The following ARHGAP1 variants were observed in gnomAD, a reference collection of about 807,000 sequenced individuals.
ARHGAP1 encodes rho GTPase-activating protein 1.
A neutral mutation model predicts 52.2 loss-of-function variants in ARHGAP1; 23 were observed. The ratio of observed to expected loss-of-function variants is 0.44; its 90% CI spans 0.32 to 0.62. The LOEUF is 0.62. Among genes scored for constraint, ARHGAP1 ranks in the 20% least tolerant of loss-of-function variants. The pLI, the probability that ARHGAP1 is intolerant of heterozygous loss-of-function variation, is 0.05. For synonymous variants in ARHGAP1, 210 were observed against 228.4 expected, an observed-to-expected ratio of 0.92 and a Z score of 0.73; for missense variants, 480 against 560.9, an observed-to-expected ratio of 0.86 and a Z score of 1.46.
rs1278949082 is a variant in ARHGAP1 at position 46,679,235 on chromosome 11, G to A, written c.1132-10C>T. The A allele has an allele frequency of 1.3e-6, 2 of 1,594,658 alleles. No homozygotes were observed. Among genetic ancestry groups the A allele is most frequent in the Non-Finnish European group, 1.7e-6 (2 of 1,168,402 alleles). On this transcript the variant is annotated splice_polypyrimidine_tract_variant and intron_variant, in intron 12 of 12. Coordinates refer to ENST00000311956, the MANE Select transcript of ARHGAP1 (RefSeq NM_004308.5). This position sits in a 1 kb window ranked among gnomAD's most constrained non-coding sequence, Gnocchi z 4.4. ...CACTGTGTGCAGAAATCTGTGGAGG[G>A]AATCAGGGACTGCAGCAGGAAGCCA...
rs1278929949 is a variant in ARHGAP1, at chr11:46,696,695, C to T, written c.-49-539G>A. ...ACTAGCCTGGCCAGCATGGTGAAAC[C>T]CCATCTCTACTAAAAATACAAAAAC... On this transcript the variant is annotated intron_variant, in intron 1 of 12. Coordinates refer to ENST00000311956, the MANE Select transcript of ARHGAP1 (RefSeq NM_004308.5). This position sits in a 1 kb window ranked among gnomAD's most constrained non-coding sequence, Gnocchi z 4.8. Among the ~76,000 whole-genome samples, 1 of 152,124 alleles carries T rather than the reference C, an allele frequency of 6.6e-6. No individual in the cohort carries two copies. The highest frequency in any genetic ancestry group is 1.5e-5 in the Non-Finnish European group (1 of 68,038).
intron 3 of ARHGAP1, among the ~76,000 whole-genome samples, chr11:46,692,759 C>G (rs2064623278): frequency 6.6e-6 from 1 of 152,150 alleles, no homozygotes; most frequent in African/African-American, 2.4e-5. Context: ...GTGATCTCAG[C>G]TCACTGCAAC....
At position 46,679,814 on chromosome 11, in the gene ARHGAP1, C is replaced by T; in HGVS notation, c.899-38G>A. The T allele has an allele frequency of 6.2e-7, 1 of 1,611,010 alleles. No homozygotes were observed. Among genetic ancestry groups the T allele is most frequent in the Non-Finnish European group, 8.5e-7 (1 of 1,179,576 alleles). On this transcript the variant is annotated intron_variant, in intron 10 of 12. Coordinates refer to ENST00000311956, the MANE Select transcript of ARHGAP1 (RefSeq NM_004308.5). This position sits in a 1 kb window ranked among gnomAD's most constrained non-coding sequence, Gnocchi z 4.4. Reference sequence around the variant, plus strand: ...CAGCGTGAGAGAAGCTCGGCACAGCCTGAAGGGCAGCACCCATCTGCAGAC... The same window carrying T: ...CAGCGTGAGAGAAGCTCGGCACAGCTTGAAGGGCAGCACCCATCTGCAGAC...
At chr11:46,687,165 C>T (rs2064576755) in intron 4 of ARHGAP1, 2 of 152,362 alleles carry the variant, frequency 1.3e-5, no homozygotes, top group Non-Finnish European at 2.9e-5. Context: ...CAGCCCCAGG[C>T]CAAGCTCTTG....
At position 46,679,413 on chromosome 11, in the gene ARHGAP1, G is replaced by A. The variant is rs773769674; in HGVS notation, c.1083C>T (p.Pro361=). 2.5e-5 allele frequency: 40 copies of A among 1,614,140 alleles called. No homozygotes were observed. Among genetic ancestry groups the A allele is most frequent in the South Asian group, 3.3e-5 (3 of 91,068 alleles). The change falls in exon 12 of 13, where the codon CCC becomes CCT. Residue 361 remains proline, a synonymous_variant. Coordinates refer to ENST00000311956, the MANE Select transcript of ARHGAP1 (RefSeq NM_004308.5). This position sits in a 1 kb window ranked among gnomAD's most constrained non-coding sequence, Gnocchi z 4.4. ...PATLQVLQTL[P]EENYQVLRFL... The stretch of plus-strand genomic sequence containing the variant: ...AACGAAGCACCTGGTAGTTCTCCTC[G>A]GGCAGCGTCTGGAGGACCTGCAGTG...
chr11:46,695,742 G>A lies in ARHGAP1; in HGVS notation c.147C>T (p.Ser49=), dbSNP rs2064647530. Residue 49 remains serine (S), a synonymous_variant, in exon 3 of 13, where the codon AGC becomes AGT. Coordinates refer to ENST00000311956, the MANE Select transcript of ARHGAP1 (RefSeq NM_004308.5). ...PDFPKSDDSK[S]SSPELVTHLK... ...GGTGTGTGACAAGTTCCGGGGAGCT[G>A]CTTTTGGAGTCATCTGAGGAACACA... 2 of 1,552,268 alleles carry A rather than the reference G, an allele frequency of 1.3e-6. No individual in the cohort carries two copies. The highest frequency in any genetic ancestry group is 2.4e-5 in the South Asian group (2 of 84,210).
In ARHGAP1 at chr11:46,677,692, C is replaced by T; in HGVS notation, c.*1345G>A. ...GCTGGCCGGGTGCAGTGGCTCACGC[C>T]TGGAATCCCAGCACTTTGGGAGGCC... On this transcript the variant is annotated 3_prime_UTR_variant, in exon 13 of 13. Transcript: ENST00000311956. The T allele has an allele frequency of 4.0e-6, 1 of 248,972 alleles. No individual in the cohort carries two copies. The highest frequency in any genetic ancestry group is 3.5e-5 in the South Asian group (1 of 28,482). 15.4% of individuals were successfully genotyped at this position (248,972 alleles called of 1,614,324 possible).
rs2064486034 is a variant in ARHGAP1, at chr11:46,677,390, C to T, written c.*1647G>A. ...CCCAGGCCCCAGGGGGCTGGATGCA[C>T]TGCTGATGGTCTTGGGAGAGCCCAG... On this transcript the variant is annotated 3_prime_UTR_variant, in exon 13 of 13. Transcript: ENST00000311956. 6.6e-6 allele frequency: 1 copy of T among 152,602 alleles called. No individual in the cohort carries two copies. Among genetic ancestry groups the T allele is most frequent in the African/African-American group, 2.4e-5 (1 of 41,464 alleles). 9.5% of individuals were successfully genotyped at this position (152,602 alleles called of 1,614,324 possible).
Position 46,680,937 on chromosome 11 carries a change from C to A in ARHGAP1, c.635+74G>T. On this transcript the variant is annotated intron_variant, in intron 7 of 12. Transcript: ENST00000311956. The surrounding 1 kb of genome is among the most constrained non-coding windows in gnomAD (Gnocchi z 5.9). Reference sequence around the variant, plus strand: ...ACGGGCTTGCTCTGCCTAAGCCCCACGCGGTCTCTGAATCAGGACACACGT... The same window carrying A: ...ACGGGCTTGCTCTGCCTAAGCCCCAAGCGGTCTCTGAATCAGGACACACGT... 2 of 1,390,560 alleles carry A rather than the reference C, an allele frequency of 1.4e-6. No individual in the cohort carries two copies. Among genetic ancestry groups the A allele is most frequent in the South Asian group, 1.2e-5 (1 of 85,586 alleles). 86.1% of individuals were successfully genotyped at this position (1,390,560 alleles called of 1,614,324 possible).
Position 46,680,621 on chromosome 11 carries a change from A to T in ARHGAP1, c.743+19T>A. 2 of 1,613,564 alleles carry T rather than the reference A, an allele frequency of 1.2e-6. No individual in the cohort carries two copies. Among genetic ancestry groups the T allele is most frequent in the Non-Finnish European group, 1.7e-6 (2 of 1,179,586 alleles). ...AGCCCTTCCCGCCCCGCCGTGGCCC[A>T]GCCACCTTTCATACTTACTGCTGCA... On this transcript the variant is annotated intron_variant, in intron 8 of 12. Coordinates refer to ENST00000311956, the MANE Select transcript of ARHGAP1 (RefSeq NM_004308.5). The surrounding 1 kb of genome is among the most constrained non-coding windows in gnomAD (Gnocchi z 5.9).
In ARHGAP1 at chr11:46,681,214, T is replaced by C; in HGVS notation, c.536+79A>G. 6.5e-7 allele frequency: 1 copy of C among 1,543,752 alleles called. No homozygotes were observed. The highest frequency in any genetic ancestry group is 9.0e-7 in the Non-Finnish European group (1 of 1,116,422). Reference sequence around the variant, plus strand: ...CAGACGGAAGCCCAGCCGCACCTGGTGGTCCCCAGGCTGCCCAGCCTCCCA... The same window carrying C: ...CAGACGGAAGCCCAGCCGCACCTGGCGGTCCCCAGGCTGCCCAGCCTCCCA... On this transcript the variant is annotated intron_variant, in intron 6 of 12. Coordinates refer to ENST00000311956, the MANE Select transcript of ARHGAP1 (RefSeq NM_004308.5). This position sits in a 1 kb window ranked among gnomAD's most constrained non-coding sequence, Gnocchi z 5.7.
At chr11:46,684,692 A>G (rs1331593795) in intron 4 of ARHGAP1, among the ~76,000 whole-genome samples, 1 of 152,224 alleles carries the variant, frequency 6.6e-6, no homozygotes, top group African/African-American at 2.4e-5. Context: ...CAGTACGCTT[A>G]TATTTTATTC....
At chr11:46,695,856 C>T (rs994553178) in intron 2 of ARHGAP1, 101 bp from the exon 3 acceptor site, 1 of 1,595,126 alleles carries the variant, frequency 6.3e-7, no homozygotes, top group Non-Finnish European at 8.6e-7. Flanking sequence ...GGCCCATGCT[C>T]CCAGCCCAAA....
chr11:46,693,501 ACT>A (rs2064630281), intron 3 of ARHGAP1, among the ~76,000 whole-genome samples: 1 of 151,490 alleles, frequency 6.6e-6, no homozygotes, highest in Non-Finnish European at 1.5e-5. Flanking sequence ...CAACTCCTGG[ACT>A]GAAAGGATCC....
intron 1 of ARHGAP1, chr11:46,697,378 A>C (rs2064664398): frequency 6.6e-6 from 1 of 152,216 alleles, no homozygotes; most frequent in Non-Finnish European, 1.5e-5. Flanking sequence ...CTCCATGTCC[A>C]GCTGCATTCC....
At chr11:46,695,940 C>G in intron 2 of ARHGAP1, 35 bp downstream of exon 2, 2 of 1,613,806 alleles carry the variant, frequency 1.2e-6, no homozygotes, top group Non-Finnish European at 8.5e-7. Context: ...CCCTCTAAAG[C>G]GCCTGTAGCT....
In ARHGAP1 at chr11:46,680,542, C is replaced by T; in HGVS notation, c.765G>A (p.Glu255=). Residue 255 remains glutamate (E), a synonymous_variant, in exon 9 of 13, where the codon GAG becomes GAA. Transcript: ENST00000311956. This position sits in a 1 kb window ranked among gnomAD's most constrained non-coding sequence, Gnocchi z 5.9. ...SLQHLQEKNP[E]QEPIPIVLRE... is the part of the protein sequence containing the mutation. ...TGAGTACAATGGGAATGGGCTCCTG[C>T]TCTGGATTCTTCTCCTGGAGGCTGC... The T allele has an allele frequency of 6.2e-7, 1 of 1,614,142 alleles. No individual in the cohort carries two copies. The highest frequency in any genetic ancestry group is 8.5e-7 in the Non-Finnish European group (1 of 1,180,016).
chr11:46,695,111 G>A (rs1029746025), intron 3 of ARHGAP1: 2 of 220,146 alleles, frequency 9.1e-6, no homozygotes, highest in Admixed American at 1.0e-4. Flanking sequence ...TGAACAGGAG[G>A]GAGGGAGCTC....
At chr11:46,689,364 G>C (rs2064594564) in intron 3 of ARHGAP1, among the ~76,000 whole-genome samples, 1 of 152,112 alleles carries the variant, frequency 6.6e-6, no homozygotes, top group African/African-American at 2.4e-5. Flanking sequence ...GGGAGGAGTG[G>C]GGAATGGGGA....
Sources: gnomAD v4.1 joint callset for allele counts (sites outside exome capture counted in the v4.1 genomes callset) on GRCh38, gnomAD v4.1.1 for gene constraint, Gnocchi (gnomAD v3.1) non-coding constraint, MANE v1.5 for transcripts, NCBI Gene and HGNC (gene_info 2026-07-23, HGNC 2026-07-21) for gene names.